Variants in TRDN observed in about 807,000 individuals in gnomAD.
TRDN encodes the protein triadin in skeletal muscle.
In TRDN, 161 loss-of-function variants were observed where a neutral mutation model predicts 149.7. That is an observed-to-expected ratio of 1.08 (90% CI 0.95 to 1.23). The LOEUF (loss-of-function observed/expected upper bound fraction) is 1.23, where lower values mean the gene tolerates loss of function less well. TRDN is among the 50% of genes most tolerant of loss of function. TRDN has a pLI of 0.00. For missense variants in TRDN, 896 were observed against 823.5 expected (o/e 1.09, Z -1.08); for synonymous variants, 294 against 250.5 (o/e 1.17, Z -1.64).
chr6:123,546,159 C>G (rs1781100476), intron 4 of TRDN, among the ~76,000 whole-genome samples: 2 of 152,088 alleles, frequency 1.3e-5, no homozygotes, highest in African/African-American at 4.8e-5. Context: ...AATCTAGAAT[C>G]TCTAAACCTG....
intron 2 of TRDN, among the ~76,000 whole-genome samples, chr6:123,568,966 C>A (rs1159860441): frequency 2.6e-5 from 4 of 152,240 alleles, no homozygotes; most frequent in Admixed American, 2.0e-4. Flanking sequence ...TTCTTTGTCA[C>A]ATGGCTAGGC....
intron 22 of TRDN, among the ~76,000 whole-genome samples, chr6:123,333,872 A>C (rs1434671717): frequency 6.6e-6 from 1 of 152,054 alleles, no homozygotes; most frequent in Non-Finnish European, 1.5e-5. Context: ...CTATAGGATG[A>C]TTTATGGTTC....
chr6:123,514,962 C>G (rs141007547), intron 6 of TRDN, among the ~76,000 whole-genome samples: 57 of 151,886 alleles, frequency 3.8e-4, no homozygotes, highest in African/African-American at 1.3e-3. Flanking sequence ...AGCATTAGGA[C>G]AAATACCTAA....
intron 2 of TRDN, among the ~76,000 whole-genome samples, chr6:123,551,621 A>T (rs569895126): frequency 6.6e-6 from 1 of 152,180 alleles, no homozygotes; most frequent in African/African-American, 2.4e-5. Flanking sequence ...CATTATAAAA[A>T]CTTTACAGGT....
At chr6:123,609,437 G>A (rs1268134652) in intron 1 of TRDN, among the ~76,000 whole-genome samples, 1 of 152,044 alleles carries the variant, frequency 6.6e-6, no homozygotes, top group Non-Finnish European at 1.5e-5. Context: ...AATGATGAGT[G>A]TATCTTTTTT....
chr6:123,538,046 T>C (rs969435320), intron 4 of TRDN, among the ~76,000 whole-genome samples: 3 of 152,150 alleles, frequency 2.0e-5, no homozygotes, highest in African/African-American at 7.2e-5. Context: ...ATTCAGGAAG[T>C]TAAAAGAATA....
intron 20 of TRDN, among the ~76,000 whole-genome samples, chr6:123,359,268 T>C (rs1780806525): frequency 6.6e-6 from 1 of 152,160 alleles, no homozygotes; most frequent in South Asian, 2.1e-4. Context: ...ATTATGAACA[T>C]AGCATTATAG....
At chr6:123,264,569 T>C (rs1056880489) in intron 33 of TRDN, among the ~76,000 whole-genome samples, 4 of 152,070 alleles carry the variant, frequency 2.6e-5, no homozygotes, top group African/African-American at 9.7e-5. Context: ...ACTTAGTTGA[T>C]AAAGCAGAAG....
intron 9 of TRDN, among the ~76,000 whole-genome samples, chr6:123,491,057 G>T (rs1365965600): frequency 2.7e-5 from 4 of 150,474 alleles, no homozygotes; most frequent in Admixed American, 1.3e-4. Flanking sequence ...AGTGAGCCGA[G>T]ATGGCACCAC....
At chr6:123,596,737 T>A (rs527480018) in intron 1 of TRDN, among the ~76,000 whole-genome samples, 5 of 152,182 alleles carry the variant, frequency 3.3e-5, no homozygotes, top group Admixed American at 3.3e-4. Flanking sequence ...AACAGTTTTT[T>A]AATCTATCAG....
intron 10 of TRDN, among the ~76,000 whole-genome samples, chr6:123,450,629 T>C (rs1583049851): frequency 6.6e-6 from 1 of 152,130 alleles, no homozygotes; most frequent in Non-Finnish European, 1.5e-5. Context: ...AGAAATTAGA[T>C]AGATAGCAAC....
intron 12 of TRDN, among the ~76,000 whole-genome samples, chr6:123,426,425 A>C (rs1275963514): frequency 1.3e-5 from 2 of 152,168 alleles, no homozygotes; most frequent in Non-Finnish European, 2.9e-5. Flanking sequence ...ACAAACGTCC[A>C]CTGAGCCCCT....
At chr6:123,593,800 G>A (rs1783903180) in intron 1 of TRDN, among the ~76,000 whole-genome samples, 1 of 152,112 alleles carries the variant, frequency 6.6e-6, no homozygotes, top group South Asian at 2.1e-4. Flanking sequence ...ATAAGGTTGT[G>A]GGAAGATACA....
At chr6:123,548,055 C>A (rs2114434349) in intron 3 of TRDN, among the ~76,000 whole-genome samples, 1 of 152,044 alleles carries the variant, frequency 6.6e-6, no homozygotes, top group Middle Eastern at 3.4e-3. Context: ...GTGTATAAAA[C>A]ACTTATATGT....
At chr6:123,628,478 C>T (rs373927385) in intron 1 of TRDN, among the ~76,000 whole-genome samples, 5 of 151,872 alleles carry the variant, frequency 3.3e-5, no homozygotes, top group Admixed American at 6.6e-5. Flanking sequence ...CACAGATCAC[C>T]GAAACAGACA....
At chr6:123,559,432 T>C (rs1240983797) in intron 2 of TRDN, among the ~76,000 whole-genome samples, 1 of 152,158 alleles carries the variant, frequency 6.6e-6, no homozygotes, top group Non-Finnish European at 1.5e-5. Context: ...TGACTATTCC[T>C]GGATTACAGC....
At chr6:123,334,854 G>C (rs1779803599) in intron 22 of TRDN, among the ~76,000 whole-genome samples, 2 of 151,978 alleles carry the variant, frequency 1.3e-5, no homozygotes, top group African/African-American at 4.8e-5. Context: ...TTGTAATAAT[G>C]CTGGTTTTAA....
At chr6:123,556,431 G>C (rs1781658720) in intron 2 of TRDN, among the ~76,000 whole-genome samples, 1 of 152,092 alleles carries the variant, frequency 6.6e-6, no homozygotes, top group African/African-American at 2.4e-5. Context: ...ACTCCTCAAA[G>C]CATGATGACA....
intron 14 of TRDN, among the ~76,000 whole-genome samples, chr6:123,382,813 T>C (rs1338731602): frequency 1.3e-5 from 2 of 152,030 alleles, no homozygotes; most frequent in Non-Finnish European, 2.9e-5. Flanking sequence ...TATTATTTTC[T>C]ATTATTTAGG....
Sources: gnomAD v4.1 joint callset for allele counts (sites outside exome capture counted in the v4.1 genomes callset) on GRCh38, gnomAD v4.1.1 for gene constraint, MANE v1.5 for transcripts, NCBI Gene and HGNC (gene_info 2026-07-23, HGNC 2026-07-21) for gene names.